Variants in SDK1 observed in about 807,000 individuals in gnomAD.
SDK1 encodes the protein sidekick cell adhesion molecule 1, also known as protein sidekick-1.
In SDK1, 157 loss-of-function variants were observed where a neutral mutation model predicts 245.5. That is an observed-to-expected ratio of 0.64 (90% confidence interval 0.56 to 0.73). SDK1 has a LOEUF of 0.73. SDK1 is among the 30% of genes least tolerant of loss of function. The pLI is 0.00. For synonymous variants in SDK1, 1,647 were observed against 1,278.5 expected (o/e 1.29, Z -6.15); for missense variants, 3,583 against 3,002.3 (o/e 1.19, Z -4.52).
chr7:4,216,442 ACT>A (rs1014531592), intron 38 of SDK1, among the ~76,000 whole-genome samples: 1 of 151,908 alleles, frequency 6.6e-6, no homozygotes, highest in African/African-American at 2.4e-5. Flanking sequence ...TGCGTGGGGG[ACT>A]CTGAAAAATC....
intron 4 of SDK1, among the ~76,000 whole-genome samples, chr7:3,692,632 TATTTA>T (rs1212553180): frequency 1.3e-5 from 2 of 152,178 alleles, no homozygotes; most frequent in Admixed American, 1.3e-4. Flanking sequence ...CTACATGTTT[TATTTA>T]GTCTACTAGA....
At chr7:3,482,488 G>C (rs574194890) in intron 1 of SDK1, among the ~76,000 whole-genome samples, 7 of 152,162 alleles carry the variant, frequency 4.6e-5, no homozygotes, top group African/African-American at 1.7e-4. Flanking sequence ...CCTAAAGTCC[G>C]TAATGTAAAA....
At chr7:3,888,836 C>A (rs1781393896) in intron 5 of SDK1, among the ~76,000 whole-genome samples, 8 of 152,134 alleles carry the variant, frequency 5.3e-5, no homozygotes, top group Middle Eastern at 3.2e-3. Flanking sequence ...TTGACTCATT[C>A]TCGTATTCTA....
intron 4 of SDK1, among the ~76,000 whole-genome samples, chr7:3,798,180 C>G (rs960600524): frequency 6.9e-6 from 1 of 145,050 alleles, no homozygotes. Flanking sequence ...CTTCTCCAAT[C>G]TGTGACCTTG....
intron 4 of SDK1, among the ~76,000 whole-genome samples, chr7:3,699,356 G>A (rs1784674546): frequency 6.6e-6 from 1 of 152,050 alleles, no homozygotes; most frequent in South Asian, 2.1e-4. Flanking sequence ...TGCAATCAAT[G>A]AGGAATTACA....
At chr7:3,608,280 A>T (rs571421371) in intron 1 of SDK1, among the ~76,000 whole-genome samples, 1 of 152,284 alleles carries the variant, frequency 6.6e-6, no homozygotes, top group African/African-American at 2.4e-5. Flanking sequence ...TGTACGCCAA[A>T]ATGTGCCGGT....
chr7:3,732,643 T>A lies in SDK1; in HGVS notation c.714-88807T>A, dbSNP rs1187175715. 2.0e-5 allele frequency among the ~76,000 whole-genome samples: 3 copies of A among 152,244 alleles called. No individual in the cohort carries two copies. In the East Asian group the frequency reaches 5.8e-4, roughly 29 times the overall value. On this transcript the variant is annotated intron_variant, in intron 4 of 44. Transcript: ENST00000404826. ...AGACTGAGCAGCAAACGCTAATTAATCCTCGCAGTGTGTCTCCTTCATTCC... is the reference window on the plus strand; with the variant it reads ...AGACTGAGCAGCAAACGCTAATTAAACCTCGCAGTGTGTCTCCTTCATTCC...
chr7:3,555,300 T>C (rs996489063), intron 1 of SDK1, among the ~76,000 whole-genome samples: 2 of 152,222 alleles, frequency 1.3e-5, no homozygotes, highest in African/African-American at 4.8e-5. Flanking sequence ...GAACTCACTT[T>C]TGACAAAGGT....
At chr7:3,775,927 C>T (rs1359675616) in intron 4 of SDK1, among the ~76,000 whole-genome samples, 1 of 152,164 alleles carries the variant, frequency 6.6e-6, no homozygotes, top group Non-Finnish European at 1.5e-5. Flanking sequence ...ACTGTCTTTC[C>T]CACAGTTGTT....
At chr7:3,490,702 T>C (rs974440487) in intron 1 of SDK1, among the ~76,000 whole-genome samples, 1 of 152,176 alleles carries the variant, frequency 6.6e-6, no homozygotes, top group African/African-American at 2.4e-5. Flanking sequence ...TGAATCCACA[T>C]CCTTAAATGA....
chr7:3,800,744 C>T lies in SDK1; in HGVS notation c.714-20706C>T, dbSNP rs555535176. ...TACCAAATGATTCAGAGTTTTTCGT[C>T]TGGATCACTCCTAAATATACACACA... On this transcript the variant is annotated intron_variant, in intron 4 of 44. Coordinates refer to ENST00000404826, the MANE Select transcript of SDK1 (RefSeq NM_152744.4). Among the ~76,000 whole-genome samples, 5 of 152,234 alleles carry T rather than the reference C, an allele frequency of 3.3e-5. No individual in the cohort carries two copies. In the South Asian group the frequency reaches 1.0e-3, roughly 32 times the overall value.
intron 4 of SDK1, among the ~76,000 whole-genome samples, chr7:3,770,015 CT>C (rs1780363480): frequency 6.6e-6 from 1 of 151,566 alleles, no homozygotes; most frequent in East Asian, 1.9e-4. Flanking sequence ...TCACATATCC[CT>C]ACTACAGTCT....
At chr7:4,094,444 C>T (rs1562800383) in intron 22 of SDK1, among the ~76,000 whole-genome samples, 1 of 152,222 alleles carries the variant, frequency 6.6e-6, no homozygotes, top group African/African-American at 2.4e-5. Flanking sequence ...TTCTGCTCTA[C>T]TCACCCCTCC....
chr7:3,855,338 G>T (rs143971940), intron 5 of SDK1, among the ~76,000 whole-genome samples: 1,617 of 152,076 alleles, frequency 0.011, 12 homozygotes, highest in Non-Finnish European at 0.017. Context: ...GCAAGGAAAT[G>T]CTGAATAGAA....
intron 14 of SDK1, among the ~76,000 whole-genome samples, chr7:3,999,493 G>A (rs1288140455): frequency 6.6e-6 from 1 of 152,214 alleles, no homozygotes; most frequent in Admixed American, 6.5e-5. Flanking sequence ...GGCAGGTGTG[G>A]GCATGGAGGC....
intron 1 of SDK1, among the ~76,000 whole-genome samples, chr7:3,331,642 G>A (rs556203578): frequency 5.9e-4 from 90 of 152,204 alleles, no homozygotes; most frequent in Middle Eastern, 3.4e-3. Flanking sequence ...ATCTTTTGTT[G>A]TGCTTTTGGT....
At chr7:4,132,490 G>A (rs1784906057) in intron 28 of SDK1, 67 bp downstream of exon 28, 1 of 1,151,640 alleles carries the variant, frequency 8.7e-7, no homozygotes, top group Non-Finnish European at 1.3e-6. Context: ...GGGAGACCGA[G>A]GCAGGTGGTT....
At position 4,267,502 on chromosome 7, in the gene SDK1, G is replaced by A. The variant is rs1051189388; in HGVS notation, c.*2118G>A. The A allele has an allele frequency of 3.3e-5, 33 of 985,414 alleles. No individual in the cohort carries two copies. The highest frequency in any genetic ancestry group is 5.2e-4 in the Middle Eastern group (1 of 1,916). 61.0% of individuals were successfully genotyped at this position (985,414 alleles called of 1,614,324 possible). ...GTGCCACCTCCTTCCCCTCGGCCCC[G>A]GAGAGGGCGAAGTGGGCGGGAAGCC... On this transcript the variant is annotated 3_prime_UTR_variant, in exon 45 of 45. Coordinates refer to ENST00000404826, the MANE Select transcript of SDK1 (RefSeq NM_152744.4).
intron 29 of SDK1, among the ~76,000 whole-genome samples, chr7:4,148,832 C>T (rs571406139): frequency 1.3e-5 from 2 of 152,128 alleles, no homozygotes; most frequent in African/African-American, 2.4e-5. Flanking sequence ...CCGAGGCAGG[C>T]GGATCACGAG....
Sources: gnomAD v4.1 joint callset for allele counts (sites outside exome capture counted in the v4.1 genomes callset) on GRCh38, gnomAD v4.1.1 for gene constraint, MANE v1.5 for transcripts, NCBI Gene and HGNC (gene_info 2026-07-23, HGNC 2026-07-21) for gene names.